The following TTC12 variants were observed in gnomAD, a reference collection of about 807,000 sequenced individuals.
TTC12 encodes the protein tetratricopeptide repeat protein 12.
TTC12 carries 70 observed loss-of-function variants against 90.1 expected under a neutral mutation model. The ratio of observed to expected loss-of-function variants is 0.78; its 90% CI spans 0.64 to 0.95. The LOEUF is 0.95. Among genes scored for constraint, TTC12 ranks in the 40% least tolerant of loss-of-function variants. The pLI is 0.00. For synonymous variants in TTC12, 296 were observed against 311.5 expected, an observed-to-expected ratio of 0.95 and a Z score of 0.53; for missense variants, 819 against 846.1, an observed-to-expected ratio of 0.97 and a Z score of 0.40.
intron 4 of TTC12, 96 bp from the exon 5 acceptor site, chr11:113,324,509 C>T (rs1016977890): frequency 2.7e-5 from 25 of 915,294 alleles, no homozygotes; most frequent in African/African-American, 6.6e-5. Context: ...CATATGCATA[C>T]GTGTGGCTCT....
chr11:113,330,227 C>T (rs1324842487), intron 7 of TTC12, among the ~76,000 whole-genome samples: 1 of 152,202 alleles, frequency 6.6e-6, no homozygotes, highest in African/African-American at 2.4e-5. Flanking sequence ...ACTTCAGCTC[C>T]TTCTTTACTA....
Position 113,325,693 on chromosome 11 carries a change from G to A in TTC12, c.444+48G>A, listed in dbSNP as rs373826339. ...CATGGGGCTTTCTCAGGGAATAGTT[G>A]CCACTAAACTTGGGAAAACAAAGAT... On this transcript the variant is annotated intron_variant, in intron 6 of 21. Transcript: ENST00000529221. 4 of 1,602,218 alleles carry A rather than the reference G, an allele frequency of 2.5e-6. No homozygotes were observed. In the African/African-American group the frequency reaches 4.0e-5, roughly 16 times the overall value.
chr11:113,368,288 T>C (rs1426698108), downstream of TTC12: 1 of 1,536,742 alleles, frequency 6.5e-7, no homozygotes, highest in Non-Finnish European at 8.7e-7. Context: ...ATGCTAGTAT[T>C]CTCCCTCTCC....
intron 18 of TTC12, among the ~76,000 whole-genome samples, chr11:113,360,778 T>TA (rs1949884091): frequency 6.6e-6 from 1 of 152,140 alleles, no homozygotes; most frequent in African/African-American, 2.4e-5. Flanking sequence ...CTCCACAGTT[T>TA]AAAAAATGTT....
In TTC12 at chr11:113,362,407, GCTGGT is replaced by G; in HGVS notation, c.1622_1626del (p.Ala541GlyfsTer14). 1 of 1,612,066 alleles carries G rather than the reference GCTGGT, an allele frequency of 6.2e-7. No individual in the cohort carries two copies. The highest frequency in any genetic ancestry group is 8.5e-7 in the Non-Finnish European group (1 of 1,178,102). On this transcript the variant is annotated frameshift_variant, in exon 19 of 22. Transcript: ENST00000529221. LOFTEE classifies it high-confidence loss of function. ...CTCTTTCTGCTGTACTCAGAGAGCT[GCTGGT>G]GTTCTGAGCCGGACCCTTTCTTCCT...
intron 1 of TTC12, chr11:113,316,009 T>G (rs1946917369): frequency 2.9e-6 from 1 of 343,862 alleles, no homozygotes; most frequent in Non-Finnish European, 5.2e-6. Flanking sequence ...GAGCGTTTTC[T>G]GCACTGGAAG....
At chr11:113,365,784 C>T (rs1256941471) in intron 21 of TTC12, among the ~76,000 whole-genome samples, 1 of 152,254 alleles carries the variant, frequency 6.6e-6, no homozygotes, top group Non-Finnish European at 1.5e-5. Context: ...CCTTCCCTTA[C>T]ATCCACATGC....
At chr11:113,368,393 A>G (rs777621454), downstream of TTC12, 2 of 1,548,544 alleles carry the variant, frequency 1.3e-6, no homozygotes, top group Non-Finnish European at 1.7e-6. Flanking sequence ...TACCAGCGCC[A>G]TCTTTCAGAA....
intron 12 of TTC12, among the ~76,000 whole-genome samples, chr11:113,342,333 A>G (rs1466069787): frequency 1.3e-5 from 2 of 152,018 alleles, no homozygotes; most frequent in Non-Finnish European, 2.9e-5. Flanking sequence ...ACTGATTAGC[A>G]TCTAGTATTG....
rs1202072817 is a variant in TTC12, at chr11:113,323,935, T to A, written c.223-59T>A. 7 of 1,399,086 alleles carry A rather than the reference T, an allele frequency of 5.0e-6. No individual in the cohort carries two copies. The African/African-American group carries it at 8.6e-5, about 17-fold the overall frequency. 86.7% of individuals were successfully genotyped at this position (1,399,086 alleles called of 1,614,324 possible). ...TTTGCCTTCTTGGTTTATATACATATAAATTAGAGTGGTTTTTGAAATTTG... is the reference window on the plus strand; with the variant it reads ...TTTGCCTTCTTGGTTTATATACATAAAAATTAGAGTGGTTTTTGAAATTTG... On this transcript the variant is annotated intron_variant, in intron 3 of 21. Coordinates refer to ENST00000529221, the MANE Select transcript of TTC12 (RefSeq NM_017868.4).
chr11:113,367,531 G>A (rs950352137), downstream of TTC12, among the ~76,000 whole-genome samples: 4 of 152,346 alleles, frequency 2.6e-5, no homozygotes, highest in South Asian at 4.2e-4. Flanking sequence ...TCTGGGAAAG[G>A]ATGAAGCTCA....
At chr11:113,321,018 A>T (rs1555138184) in intron 2 of TTC12, among the ~76,000 whole-genome samples, 2 of 152,228 alleles carry the variant, frequency 1.3e-5, no homozygotes, top group African/African-American at 4.8e-5. Context: ...TCTTAAAAAA[A>T]AAAGAATTTT....
chr11:113,335,365 C>T (rs150805851), intron 8 of TTC12, among the ~76,000 whole-genome samples: 1 of 152,298 alleles, frequency 6.6e-6, no homozygotes, highest in Non-Finnish European at 1.5e-5. Flanking sequence ...ACCTGTCTAT[C>T]TACCTATTTA....
chr11:113,333,119 A>G (rs1390431542), intron 7 of TTC12, among the ~76,000 whole-genome samples: 1 of 151,836 alleles, frequency 6.6e-6, no homozygotes, highest in Non-Finnish European at 1.5e-5. Context: ...CCACCTTCCT[A>G]CCAGCTTACC....
intron 15 of TTC12, 138 bp from the exon 16 acceptor site, chr11:113,351,932 C>A (rs896708487): frequency 9.9e-7 from 1 of 1,006,700 alleles, no homozygotes; most frequent in Non-Finnish European, 1.4e-6. Flanking sequence ...GCCAGTGAGA[C>A]CCCAGGGATG....
At chr11:113,326,551 G>A (rs1428475850) in intron 6 of TTC12, among the ~76,000 whole-genome samples, 5 of 152,242 alleles carry the variant, frequency 3.3e-5, no homozygotes, top group Non-Finnish European at 5.9e-5. Context: ...GGATGTTGAG[G>A]AAGAGGACTG....
chr11:113,340,745 C>T lies in TTC12; in HGVS notation c.896+12C>T. 1.2e-6 allele frequency: 2 copies of T among 1,604,892 alleles called. No individual in the cohort carries two copies. The highest frequency in any genetic ancestry group is 1.7e-6 in the Non-Finnish European group (2 of 1,171,624). On this transcript the variant is annotated intron_variant, in intron 11 of 21. Transcript: ENST00000529221. ...GAGGTCATAAGAAGGTAGGGATGTT[C>T]ATAGAGACAGCCCAGCAGCAAAGCA...
rs199526774 is a variant in TTC12, at chr11:113,363,912, A to G, written c.1801A>G (p.Ile601Val). The change falls in exon 20 of 22, where the codon ATA (isoleucine) becomes GTA (valine). Residue 601 changes from isoleucine (I) to valine (V), a missense_variant. By Grantham distance (29) the Ile-to-Val change is conservative (BLOSUM62 3). Coordinates refer to ENST00000529221, the MANE Select transcript of TTC12 (RefSeq NM_017868.4). The stretch of plus-strand genomic sequence containing the variant: ...TTATCATGAAGCTCGGGAAGAAGTA[A>G]TAAGACTGGATAAAAGTAAGTGATG... ...NSYHEAREEV[I>V]RLDKKLSVMM... 876 of 1,611,598 alleles carry G rather than the reference A, an allele frequency of 5.4e-4. 1 individual carries two copies. Among genetic ancestry groups the G allele is most frequent in the Admixed American group, 1.9e-3 (115 of 60,034 alleles).
intron 1 of TTC12, 57 bp downstream of exon 1, chr11:113,314,675 T>G (rs1946805331): frequency 6.5e-6 from 1 of 152,892 alleles, no homozygotes; most frequent in African/African-American, 2.4e-5. Flanking sequence ...GCACTGGCCT[T>G]CAGAGCCGAG....
Sources: allele counts gnomAD v4.1 joint callset (sites outside exome capture counted in the v4.1 genomes callset), GRCh38; gene constraint gnomAD v4.1.1; transcripts MANE v1.5; gene names NCBI Gene and HGNC (gene_info 2026-07-23, HGNC 2026-07-21).